The following PLXNA4 variants were observed in gnomAD, a reference collection of about 807,000 sequenced individuals.
PLXNA4 encodes plexin-A4.
In PLXNA4, 44 loss-of-function variants were observed where a neutral mutation model predicts 191.8. The observed-to-expected ratio is 0.23, with a 90% CI of 0.18 to 0.29. The LOEUF (loss-of-function observed/expected upper bound fraction) is 0.29. PLXNA4 is among the 10% of genes least tolerant of loss of function. PLXNA4 has a pLI of 1.00. For synonymous variants in PLXNA4, 1,082 were observed against 1,009.5 expected (o/e 1.07, Z -1.36); for missense variants, 1,800 against 2,488.8 (o/e 0.72, Z 5.89).
At chr7:132,466,291 GA>G (rs1489503008) in intron 3 of PLXNA4, among the ~76,000 whole-genome samples, 1 of 152,206 alleles carries the variant, frequency 6.6e-6, no homozygotes, top group East Asian at 1.9e-4. Flanking sequence ...AGCTCAGCCT[GA>G]GCCCAACAGG....
intron 17 of PLXNA4, 93 bp from the exon 18 acceptor site, chr7:132,181,713 A>G (rs1163185516): frequency 1.3e-6 from 2 of 1,526,184 alleles, no homozygotes; most frequent in African/African-American, 2.7e-5. Context: ...TGTCATCGGG[A>G]TAGCAAGGGG....
At chr7:132,485,576 C>T (rs1417073974) in intron 3 of PLXNA4, among the ~76,000 whole-genome samples, 1 of 152,192 alleles carries the variant, frequency 6.6e-6, no homozygotes, top group Non-Finnish European at 1.5e-5. Flanking sequence ...ATTGTCCCAA[C>T]TCAAGCCAAA....
At chr7:132,629,648 T>C (rs564002232) in intron 2 of PLXNA4, among the ~76,000 whole-genome samples, 2 of 152,212 alleles carry the variant, frequency 1.3e-5, no homozygotes, top group Non-Finnish European at 2.9e-5. Flanking sequence ...TGGGCTGCCA[T>C]AACAAAATAT....
At chr7:132,137,514 G>A (rs973978767) in intron 30 of PLXNA4, among the ~76,000 whole-genome samples, 2 of 152,266 alleles carry the variant, frequency 1.3e-5, no homozygotes, top group Admixed American at 6.5e-5. Flanking sequence ...GTTGTGTTTT[G>A]TCTGTAAGGT....
intron 3 of PLXNA4, among the ~76,000 whole-genome samples, chr7:132,369,887 T>C (rs1024318207): frequency 4.0e-5 from 6 of 151,702 alleles, no homozygotes; most frequent in Non-Finnish European, 8.8e-5. Flanking sequence ...GTTAACACGG[T>C]GAAACCCCTT....
intron 4 of PLXNA4, among the ~76,000 whole-genome samples, chr7:132,243,883 C>G (rs953888575): frequency 4.7e-5 from 7 of 150,266 alleles, no homozygotes; most frequent in African/African-American, 1.5e-4. Context: ...GTCAGGAGTT[C>G]AACAGACCTG....
intron 9 of PLXNA4, among the ~76,000 whole-genome samples, chr7:132,219,303 C>A (rs1437735366): frequency 6.6e-6 from 1 of 152,180 alleles, no homozygotes; most frequent in African/African-American, 2.4e-5. Flanking sequence ...TCGACCTAAG[C>A]CTTGACTTGA....
chr7:132,211,485 C>A (rs1302277907), intron 9 of PLXNA4, among the ~76,000 whole-genome samples: 2 of 152,218 alleles, frequency 1.3e-5, no homozygotes, highest in African/African-American at 4.8e-5. Flanking sequence ...CCTCCCCTCC[C>A]ACTGGGGACT....
At chr7:132,272,817 C>A (rs1001958616) in intron 4 of PLXNA4, among the ~76,000 whole-genome samples, 2 of 152,172 alleles carry the variant, frequency 1.3e-5, no homozygotes, top group Non-Finnish European at 2.9e-5. Flanking sequence ...TCAGCAAAAT[C>A]CTATTCATCC....
At chr7:132,173,995 T>C (rs553318011) in intron 21 of PLXNA4, among the ~76,000 whole-genome samples, 1 of 152,318 alleles carries the variant, frequency 6.6e-6, no homozygotes, top group South Asian at 2.1e-4. Context: ...ACCTGTATAA[T>C]GGGCTTACTT....
intron 3 of PLXNA4, among the ~76,000 whole-genome samples, chr7:132,488,187 G>A (rs373443569): frequency 6.6e-6 from 1 of 152,094 alleles, no homozygotes; most frequent in African/African-American, 2.4e-5. Context: ...TGGGGTGCCC[G>A]CCTCTTGTCC....
chr7:132,430,851 C>A (rs1795232436), intron 3 of PLXNA4, among the ~76,000 whole-genome samples: 1 of 151,708 alleles, frequency 6.6e-6, no homozygotes, highest in Non-Finnish European at 1.5e-5. Context: ...ACTGGATAAG[C>A]AAGGAGTCTC....
chr7:132,593,264 G>A (rs1371561408), intron 2 of PLXNA4, among the ~76,000 whole-genome samples: 1 of 152,166 alleles, frequency 6.6e-6, no homozygotes, highest in African/African-American at 2.4e-5. Flanking sequence ...CTCCAAGCTG[G>A]TTGGGTTAGT....
intron 9 of PLXNA4, among the ~76,000 whole-genome samples, chr7:132,215,089 A>C (rs1797923535): frequency 6.6e-6 from 1 of 152,162 alleles, no homozygotes; most frequent in African/African-American, 2.4e-5. Flanking sequence ...AATTTTCTGC[A>C]AATACCCCAG....
At chr7:132,289,403 C>G (rs1020880163) in intron 4 of PLXNA4, among the ~76,000 whole-genome samples, 17 of 152,222 alleles carry the variant, frequency 1.1e-4, no homozygotes, top group African/African-American at 4.1e-4. Flanking sequence ...TCCTTCTTTG[C>G]TGCTTCCTTT....
At chr7:132,468,595 T>C (rs549587597) in intron 3 of PLXNA4, among the ~76,000 whole-genome samples, 1 of 152,228 alleles carries the variant, frequency 6.6e-6, no homozygotes, top group South Asian at 2.1e-4. Context: ...CTCTCACTCT[T>C]CCTGCAGATG....
intron 3 of PLXNA4, among the ~76,000 whole-genome samples, chr7:132,333,280 C>A (rs549437642): frequency 2.0e-5 from 3 of 152,300 alleles, no homozygotes; most frequent in African/African-American, 7.2e-5. Flanking sequence ...GGACTCCCAC[C>A]CAATGACAAT....
At position 132,127,199 on chromosome 7, in the gene PLXNA4, G is replaced by T. The variant is rs1021138075; in HGVS notation, c.*3280C>A. 3 of 152,324 alleles carry T rather than the reference G, an allele frequency of 2.0e-5. No individual in the cohort carries two copies. The East Asian group carries it at 5.8e-4, about 29-fold the overall frequency. 9.4% of individuals were successfully genotyped at this position (152,324 alleles called of 1,614,324 possible). A position where few individuals can be genotyped will look rare whatever the true frequency, so the allele number is the denominator to read the frequency against. On this transcript the variant is annotated 3_prime_UTR_variant, in exon 32 of 32. Transcript: ENST00000321063. Reference sequence around the variant, plus strand: ...CTTTGTCAGTGATTTTGATGGCTCAGTCTGGTACCATTTTCCCTGGGAGGG... The same window carrying T: ...CTTTGTCAGTGATTTTGATGGCTCATTCTGGTACCATTTTCCCTGGGAGGG...
intron 3 of PLXNA4, among the ~76,000 whole-genome samples, chr7:132,488,431 C>A (rs1365297332): frequency 6.6e-6 from 1 of 152,148 alleles, no homozygotes; most frequent in Non-Finnish European, 1.5e-5. Flanking sequence ...CCAGAGAACC[C>A]CAAAAGAAGC....
Sources: allele counts gnomAD v4.1 joint callset (sites outside exome capture counted in the v4.1 genomes callset), GRCh38; gene constraint gnomAD v4.1.1; transcripts MANE v1.5; gene names NCBI Gene and HGNC (gene_info 2026-07-23, HGNC 2026-07-21).